Variants in CDYL2 observed in about 807,000 individuals in gnomAD.
The protein encoded by CDYL2 is chromodomain Y-like protein 2.
A neutral mutation model predicts 49.4 loss-of-function variants in CDYL2; 23 were observed. The observed-to-expected ratio is 0.47, with a 90% confidence interval of 0.34 to 0.66. The LOEUF is 0.66. Among genes scored for constraint, CDYL2 ranks in the 30% least tolerant of loss-of-function variants. CDYL2 has a pLI of 0.01. For synonymous variants in CDYL2, 360 were observed against 268.8 expected (o/e 1.34, Z -3.32); for missense variants, 678 against 656.4 (o/e 1.03, Z -0.36).
Position 80,633,152 on chromosome 16 carries a change from T to C in CDYL2, c.701A>G (p.Lys234Arg), listed in dbSNP as rs1286235006. ...LEAEKDYVFD[K>R]RLRYSVRQNE... is the part of the protein sequence containing the mutation. ...CTGGCGGACACTGTATCTGAGCCTT[T>C]TGTCAAAGACGTAGTCCTTCTCCGC... Residue 234 changes from lysine to arginine, a missense_variant, in exon 3 of 7, where the codon AAA becomes AGA. Lys to Arg is a conservative substitution (Grantham distance 26). Transcript: ENST00000570137. 2 of 1,614,098 alleles carry C rather than the reference T, an allele frequency of 1.2e-6. No individual in the cohort carries two copies. The highest frequency in any genetic ancestry group is 1.1e-5 in the South Asian group (1 of 91,088).
At chr16:80,764,152 A>G (rs1365543084) in intron 1 of CDYL2, among the ~76,000 whole-genome samples, 1 of 152,216 alleles carries the variant, frequency 6.6e-6, no homozygotes, top group Non-Finnish European at 1.5e-5. Flanking sequence ...CAGATAATAA[A>G]GTGGCTAGGT....
At chr16:80,679,854 T>A (rs534691025) in intron 2 of CDYL2, 2 of 449,830 alleles carry the variant, frequency 4.4e-6, no homozygotes, top group African/African-American at 4.0e-5. Context: ...GAACTTCTGC[T>A]GGAGGTGCAG....
intron 1 of CDYL2, among the ~76,000 whole-genome samples, chr16:80,701,951 T>G (rs1298757597): frequency 6.6e-6 from 1 of 152,094 alleles, no homozygotes; most frequent in Non-Finnish European, 1.5e-5. Context: ...ATAAATCAAC[T>G]GAGCAAGAAA....
At chr16:80,794,568 T>C (rs536472820) in intron 1 of CDYL2, among the ~76,000 whole-genome samples, 1 of 152,020 alleles carries the variant, frequency 6.6e-6, no homozygotes, top group South Asian at 2.1e-4. Flanking sequence ...TATACGATTG[T>C]TGAGTTTTTT....
intron 1 of CDYL2, among the ~76,000 whole-genome samples, chr16:80,723,227 C>A (rs1905057517): frequency 6.6e-6 from 1 of 152,336 alleles, no homozygotes; most frequent in Middle Eastern, 3.4e-3. Flanking sequence ...CCTCTCGGAG[C>A]TTTTCCTCCT....
chr16:80,709,659 C>A (rs912347790), intron 1 of CDYL2, among the ~76,000 whole-genome samples: 3 of 152,048 alleles, frequency 2.0e-5, no homozygotes, highest in Admixed American at 2.0e-4. Context: ...CACACTTGTG[C>A]ACAACTTTCA....
intron 1 of CDYL2, among the ~76,000 whole-genome samples, chr16:80,708,042 G>C (rs1262219927): frequency 1.3e-5 from 2 of 152,188 alleles, no homozygotes; most frequent in Non-Finnish European, 2.9e-5. Context: ...GTGGGGCAAA[G>C]ATGATGCCCT....
intron 1 of CDYL2, among the ~76,000 whole-genome samples, chr16:80,727,687 T>A (rs1905208708): frequency 6.6e-6 from 1 of 152,192 alleles, no homozygotes; most frequent in Admixed American, 6.5e-5. Context: ...CTCTGCAGAC[T>A]TAAATGTCCC....
intron 1 of CDYL2, among the ~76,000 whole-genome samples, chr16:80,756,907 A>G (rs1224490603): frequency 2.6e-5 from 4 of 152,166 alleles, no homozygotes; most frequent in South Asian, 2.1e-4. Context: ...AAGGCATCTG[A>G]TAAGTCATTT....
At chr16:80,705,054 C>G (rs7204905) in intron 1 of CDYL2, among the ~76,000 whole-genome samples, 1 of 152,146 alleles carries the variant, frequency 6.6e-6, no homozygotes, top group Non-Finnish European at 1.5e-5. Context: ...CTCATCCCAA[C>G]AGCTCACCAG....
Position 80,652,872 on chromosome 16 carries a change from T to G in CDYL2, c.617-19636A>C, listed in dbSNP as rs185214814. Among the ~76,000 whole-genome samples, 174 of 152,268 alleles carry G rather than the reference T, an allele frequency of 1.1e-3. 2 individuals are homozygous for G. Among genetic ancestry groups the G allele is most frequent in the Admixed American group, 5.1e-3 (78 of 15,296 alleles). ...CAAGCAGCTCTCCTCAAAACTCTTT[T>G]TACGACCATAAAAAGAAGGAAAGCC... is the stretch of plus-strand genomic sequence containing the variant. On this transcript the variant is annotated intron_variant, in intron 2 of 6. Coordinates refer to ENST00000570137, the MANE Select transcript of CDYL2 (RefSeq NM_152342.4).
At chr16:80,609,056 A>G (rs1406088908) in intron 5 of CDYL2, among the ~76,000 whole-genome samples, 6 of 152,188 alleles carry the variant, frequency 3.9e-5, no homozygotes, top group African/African-American at 1.4e-4. Context: ...CCAGTCTTGA[A>G]GGGCAGAGAG....
In CDYL2 at chr16:80,616,414, T is replaced by TG. The variant is rs150624026; in HGVS notation, c.1008-3579dup. ...CAGAGTCCTCATTCAATTCTCAGAT[T>TG]GGTCTGTGATCCATTCTCCTAGGCT... On this transcript the variant is annotated intron_variant, in intron 4 of 6. Transcript: ENST00000570137. Among the ~76,000 whole-genome samples, 694 of 152,294 alleles carry TG rather than the reference T, an allele frequency of 4.6e-3. 5 individuals are homozygous for TG. Among genetic ancestry groups the TG allele is most frequent in the African/African-American group, 0.016 (657 of 41,556 alleles).
At chr16:80,675,301 T>G (rs1909697811) in intron 2 of CDYL2, among the ~76,000 whole-genome samples, 1 of 152,224 alleles carries the variant, frequency 6.6e-6, no homozygotes, top group South Asian at 2.1e-4. Flanking sequence ...TGTCTTACCC[T>G]TGCTGAGCCT....
chr16:80,780,657 G>A (rs1597130587), intron 1 of CDYL2, among the ~76,000 whole-genome samples: 2 of 151,826 alleles, frequency 1.3e-5, no homozygotes, highest in African/African-American at 2.4e-5. Context: ...CACCTGCTTC[G>A]GCCTCCCAAA....
At chr16:80,761,894 A>C (rs961613193) in intron 1 of CDYL2, among the ~76,000 whole-genome samples, 20 of 151,630 alleles carry the variant, frequency 1.3e-4, no homozygotes, top group Non-Finnish European at 2.2e-4. Context: ...AAAAAAAAAA[A>C]AAAACAAAGA....
intron 1 of CDYL2, among the ~76,000 whole-genome samples, chr16:80,799,246 C>G (rs1231868481): frequency 1.3e-5 from 2 of 152,016 alleles, no homozygotes; most frequent in African/African-American, 2.4e-5. Context: ...CAATAGTTCT[C>G]TTAGATATTA....
At chr16:80,655,800 C>T (rs958628928) in intron 2 of CDYL2, among the ~76,000 whole-genome samples, 6 of 152,230 alleles carry the variant, frequency 3.9e-5, no homozygotes, top group Middle Eastern at 6.8e-3. Flanking sequence ...CTCCAGGAGA[C>T]GCAGGGGAAT....
At chr16:80,620,691 C>A (rs979996100) in intron 4 of CDYL2, 72 bp downstream of exon 4, 27 of 1,370,736 alleles carry the variant, frequency 2.0e-5, no homozygotes, top group Non-Finnish European at 2.5e-5. Context: ...TCGAATTTAA[C>A]TGAGCAGCCT....
Sources: allele counts gnomAD v4.1 joint callset (sites outside exome capture counted in the v4.1 genomes callset), GRCh38; gene constraint gnomAD v4.1.1; transcripts MANE v1.5; gene names NCBI Gene and HGNC (gene_info 2026-07-23, HGNC 2026-07-21).